KLHL40: variants seen among roughly 807,000 people sequenced by gnomAD.
The protein encoded by KLHL40 is kelch like family member 40.
In KLHL40, 44 loss-of-function variants were observed where a neutral mutation model predicts 49.7. That is an observed-to-expected ratio of 0.89 (90% confidence interval 0.70 to 1.14). KLHL40 has a LOEUF of 1.14. Among genes scored for constraint, KLHL40 ranks in the 50% most tolerant of loss-of-function variants. The pLI is 0.00. For missense variants in KLHL40, 892 were observed against 850.3 expected (o/e 1.05, Z -0.61); for synonymous variants, 409 against 365.2 (o/e 1.12, Z -1.37).
In KLHL40 at chr3:42,691,017, C is replaced by A. The variant is rs778541898; in HGVS notation, c.1754+12C>A. 6.3e-7 allele frequency: 1 copy of A among 1,595,520 alleles called. No individual in the cohort carries two copies. On this transcript the variant is annotated intron_variant, in intron 5 of 5. Transcript: ENST00000287777. ...AATGACATCTGGAGGTGAGTCCCAC[C>A]CTGGGGAGGCAAGGGGGCATCATGA... is the stretch of plus-strand genomic sequence containing the variant.
At chr3:42,689,501 T>C (rs1455343434) in intron 4 of KLHL40, among the ~76,000 whole-genome samples, 1 of 151,740 alleles carries the variant, frequency 6.6e-6, no homozygotes, top group Non-Finnish European at 1.5e-5. Context: ...TCAAGGCCTA[T>C]AGGAGGGAAG....
intron 5 of KLHL40, 105 bp downstream of exon 5, chr3:42,691,110 A>T (rs965826820): frequency 1.7e-6 from 2 of 1,174,860 alleles, no homozygotes; most frequent in Middle Eastern, 2.7e-4. Flanking sequence ...CTGGGGGCAA[A>T]GCGGATCCCT....
In KLHL40 at chr3:42,688,142, T is replaced by C; in HGVS notation, c.1153T>C (p.Phe385Leu). 6.2e-7 allele frequency: 1 copy of C among 1,613,600 alleles called. No individual in the cohort carries two copies. The highest frequency in any genetic ancestry group is 8.5e-7 in the Non-Finnish European group (1 of 1,179,892). Residue 385 changes from phenylalanine to leucine, a missense_variant and splice_region_variant, in exon 2 of 6, where the codon TTT (phenylalanine) becomes CTT (leucine). Coordinates refer to ENST00000287777, the MANE Select transcript of KLHL40 (RefSeq NM_152393.4). This position sits in a 1 kb window ranked among gnomAD's most constrained non-coding sequence, Gnocchi z 4.2. ...AGCTGACTGGACACCTGGCCTGCAG[T>C]TTGACCATCTGGACTCAGAGTGGCT... Reference protein sequence around the residue: ...EDPMSAYFLQFDHLDSEWLGM... With the variant: ...EDPMSAYFLQLDHLDSEWLGM...
At chr3:42,691,555 A>G (rs1053379273) in intron 5 of KLHL40, among the ~76,000 whole-genome samples, 1 of 152,016 alleles carries the variant, frequency 6.6e-6, no homozygotes, top group Non-Finnish European at 1.5e-5. Context: ...ACTTAGTAGA[A>G]ATGGAGCATG....
At position 42,686,225 on chromosome 3, in the gene KLHL40, G is replaced by A; in HGVS notation, c.607G>A (p.Gly203Ser). Reference sequence around the variant, plus strand: ...GTTCGAGGCGGTGATGCGGTGGGCGGGTAGCGGCGACGCCGAGGCGCAGGC... The same window carrying A: ...GTTCGAGGCGGTGATGCGGTGGGCGAGTAGCGGCGACGCCGAGGCGCAGGC... Reference protein sequence around the residue: ...AVFEAVMRWAGSGDAEAQAER... With the variant: ...AVFEAVMRWASSGDAEAQAER... Residue 203 changes from glycine (G) to serine (S), a missense_variant, in exon 1 of 6, where the codon GGT becomes AGT. Coordinates refer to ENST00000287777, the MANE Select transcript of KLHL40 (RefSeq NM_152393.4). The A allele has an allele frequency of 6.4e-7, 1 of 1,557,294 alleles. No individual in the cohort carries two copies. The highest frequency in any genetic ancestry group is 8.7e-7 in the Non-Finnish European group (1 of 1,153,750).
Position 42,685,598 on chromosome 3 carries a change from C to A in KLHL40, c.-21C>A. 1 of 1,556,916 alleles carries A rather than the reference C, an allele frequency of 6.4e-7. No homozygotes were observed. On this transcript the variant is annotated 5_prime_UTR_variant, in exon 1 of 6. Transcript: ENST00000287777. Reference sequence around the variant, plus strand: ...GAGAGGAGCCCCCTTGGCACCGCCACCGCACCCTAGGCCACCCACCATGGC... The same window carrying A: ...GAGAGGAGCCCCCTTGGCACCGCCAACGCACCCTAGGCCACCCACCATGGC...
chr3:42,688,381 TG>T lies in KLHL40; in HGVS notation c.1313+82del. ...GCCGCAGCTGGTCTAGGGCCTGGGG[TG>T]GGATTTGGAGCTAGAGCCTTGTGCT... is the stretch of plus-strand genomic sequence containing the variant. On this transcript the variant is annotated intron_variant, in intron 2 of 5. Coordinates refer to ENST00000287777, the MANE Select transcript of KLHL40 (RefSeq NM_152393.4). This position sits in a 1 kb window ranked among gnomAD's most constrained non-coding sequence, Gnocchi z 4.2. 6.9e-7 allele frequency: 1 copy of T among 1,452,450 alleles called. No individual in the cohort carries two copies. Among genetic ancestry groups the T allele is most frequent in the African/African-American group, 1.7e-5 (1 of 59,952 alleles). 90.0% of individuals were successfully genotyped at this position (1,452,450 alleles called of 1,614,324 possible).
chr3:42,686,829 T>A, intron 1 of KLHL40, 59 bp downstream of exon 1: 1 of 1,447,988 alleles, frequency 6.9e-7, no homozygotes, highest in African/African-American at 1.4e-5. Flanking sequence ...CTGTGGACAG[T>A]CTTGGGGCCC....
intron 1 of KLHL40, 81 bp downstream of exon 1, chr3:42,686,851 G>T: frequency 7.9e-7 from 1 of 1,263,386 alleles, no homozygotes; most frequent in Non-Finnish European, 1.1e-6. Flanking sequence ...GAAGGGGCTT[G>T]TGTCTACACA....
Position 42,685,617 on chromosome 3 carries a change from C to CCATG in KLHL40, c.-1_3dup. 1.3e-6 allele frequency: 2 copies of CCATG among 1,585,952 alleles called. No individual in the cohort carries two copies. Among genetic ancestry groups the CCATG allele is most frequent in the Non-Finnish European group, 1.7e-6 (2 of 1,165,880 alleles). On this transcript the variant is annotated 5_prime_UTR_variant, in exon 1 of 6. The change creates a new upstream start codon in the 5' untranslated region. Transcript: ENST00000287777. The stretch of plus-strand genomic sequence containing the variant: ...CCGCCACCGCACCCTAGGCCACCCA[C>CCATG]CATGGCGCTGGGCTTGGAGCAGGCG...
rs370334203 is a variant in KLHL40, at chr3:42,691,032, G to C, written c.1754+27G>C. On this transcript the variant is annotated intron_variant, in intron 5 of 5. Transcript: ENST00000287777. The stretch of plus-strand genomic sequence containing the variant: ...TGAGTCCCACCCTGGGGAGGCAAGG[G>C]GGCATCATGAGCAAGGCTGACACCC... 4.7e-5 allele frequency: 74 copies of C among 1,581,604 alleles called. No homozygotes were observed. In the African/African-American group the frequency reaches 9.6e-4, roughly 20 times the overall value.
At chr3:42,689,099 G>A (rs1319428616) in intron 4 of KLHL40, 45 bp downstream of exon 4, 9 of 1,548,514 alleles carry the variant, frequency 5.8e-6, no homozygotes, top group African/African-American at 4.1e-5. Context: ...GCATGGCTTT[G>A]GGCTTCTGTC....
chr3:42,686,922 A>G, intron 1 of KLHL40, 152 bp downstream of exon 1: 1 of 671,322 alleles, frequency 1.5e-6, no homozygotes, highest in Non-Finnish European at 2.5e-6. Flanking sequence ...ATAGCCACCT[A>G]CTTGAAGGTT....
At chr3:42,689,942 G>A (rs893164772) in intron 4 of KLHL40, among the ~76,000 whole-genome samples, 2 of 152,210 alleles carry the variant, frequency 1.3e-5, no homozygotes, top group African/African-American at 4.8e-5. Context: ...GGAGGTGGGA[G>A]AAACAGGGCT....
chr3:42,690,309 G>A (rs1027152881), intron 4 of KLHL40, among the ~76,000 whole-genome samples: 2 of 152,236 alleles, frequency 1.3e-5, no homozygotes, highest in African/African-American at 4.8e-5. Flanking sequence ...AGTCACGTCA[G>A]CAGGGCTGTG....
At position 42,688,239 on chromosome 3, in the gene KLHL40, T is replaced by C; in HGVS notation, c.1250T>C (p.Val417Ala). 1 of 1,613,852 alleles carries C rather than the reference T, an allele frequency of 6.2e-7. No homozygotes were observed. Among genetic ancestry groups the C allele is most frequent in the Middle Eastern group, 1.6e-4 (1 of 6,062 alleles). ...GAAGCTCTCAACTCCATCTACGTGG[T>C]CGGTGGCAGAGAGATCAAGGACGGC... Reference protein sequence around the residue: ...LGEALNSIYVVGGREIKDGER... With the variant: ...LGEALNSIYVAGGREIKDGER... The change falls in exon 2 of 6, where the codon GTC (valine) becomes GCC (alanine). Residue 417 changes from valine to alanine, a missense_variant. By Grantham distance (64) the Val-to-Ala change is moderately conservative. Transcript: ENST00000287777. This position sits in a 1 kb window ranked among gnomAD's most constrained non-coding sequence, Gnocchi z 4.2.
intron 5 of KLHL40, 35 bp from the exon 6 acceptor site, chr3:42,691,847 T>A: frequency 1.4e-6 from 2 of 1,389,874 alleles, no homozygotes; most frequent in Non-Finnish European, 2.0e-6. Context: ...CTGACCAAGC[T>A]CTCCATCCTT....
chr3:42,688,441 G>A lies in KLHL40; in HGVS notation c.1313+139G>A. ...AGGTGGGCTTGGGTAAGGGCGGGGAGGTTGGGGGGCAGGGTGGGATCAAAG... is the reference window on the plus strand; with the variant it reads ...AGGTGGGCTTGGGTAAGGGCGGGGAAGTTGGGGGGCAGGGTGGGATCAAAG... On this transcript the variant is annotated intron_variant, in intron 2 of 5. Coordinates refer to ENST00000287777, the MANE Select transcript of KLHL40 (RefSeq NM_152393.4). The surrounding 1 kb of genome is among the most constrained non-coding windows in gnomAD (Gnocchi z 4.2). The A allele has an allele frequency of 7.8e-6, 8 of 1,021,794 alleles. No individual in the cohort carries two copies. The South Asian group carries it at 1.2e-4, about 15-fold the overall frequency. 63.3% of individuals were successfully genotyped at this position (1,021,794 alleles called of 1,614,324 possible).
intron 4 of KLHL40, among the ~76,000 whole-genome samples, 181 bp downstream of exon 4, chr3:42,689,235 C>G (rs528460943): frequency 6.6e-6 from 1 of 152,224 alleles, no homozygotes; most frequent in African/African-American, 2.4e-5. Context: ...TTATGGCCAG[C>G]CTGGTCTGCA....
Sources: allele counts gnomAD v4.1 joint callset (sites outside exome capture counted in the v4.1 genomes callset), GRCh38; gene constraint gnomAD v4.1.1; non-coding constraint Gnocchi (gnomAD v3.1); transcripts MANE v1.5; gene names NCBI Gene and HGNC (gene_info 2026-07-23, HGNC 2026-07-21).